Variants in TULP4 observed in about 807,000 individuals in gnomAD.
TULP4 encodes tubby-related protein 4.
TULP4 carries 16 observed loss-of-function variants against 129.0 expected under a neutral mutation model. The ratio of observed to expected loss-of-function variants is 0.12; its 90% CI spans 0.08 to 0.19. The LOEUF (loss-of-function observed/expected upper bound fraction) is 0.19. TULP4 is among the 10% of genes least tolerant of loss of function. The probability of loss-of-function intolerance (pLI) is 1.00; values close to 1 mark genes in which losing one functional copy is unlikely to be tolerated. For missense variants in TULP4, 1,842 were observed against 2,059.1 expected, an observed-to-expected ratio of 0.89 and a Z score of 2.04; for synonymous variants, 998 against 854.0, an observed-to-expected ratio of 1.17 and a Z score of -2.94.
chr6:158,454,178 G>A (rs1462778358), intron 5 of TULP4, among the ~76,000 whole-genome samples: 1 of 152,154 alleles, frequency 6.6e-6, no homozygotes, highest in African/African-American at 2.4e-5. Flanking sequence ...TGACGTTGAA[G>A]TCCTTTTTAT....
At chr6:158,466,912 C>T (rs2115204198) in intron 6 of TULP4, among the ~76,000 whole-genome samples, 1 of 152,284 alleles carries the variant, frequency 6.6e-6, no homozygotes, top group Admixed American at 6.5e-5. Context: ...ACTCTGTATT[C>T]CTCAGACAAT....
At chr6:158,446,576 G>A (rs907610792) in intron 3 of TULP4, among the ~76,000 whole-genome samples, 3 of 152,160 alleles carry the variant, frequency 2.0e-5, no homozygotes, top group Non-Finnish European at 4.4e-5. Flanking sequence ...ACTCCTGTGT[G>A]TTGTACATCA....
At chr6:158,412,943 G>A (rs955174730) in intron 1 of TULP4, 122 bp from the exon 2 acceptor site, 13 of 1,355,876 alleles carry the variant, frequency 9.6e-6, no homozygotes, top group Middle Eastern at 1.9e-4. Context: ...CCCTGCATTC[G>A]CCCCCAGTCT....
upstream of TULP4, chr6:158,312,371 G>GA (rs1023147543): frequency 7.5e-4 from 272 of 361,894 alleles, no homozygotes; most frequent in Middle Eastern, 1.4e-3. Flanking sequence ...GCAAAAAGAA[G>GA]AAAAAAAAAT....
Position 158,510,588 on chromosome 6 carries a change from A to G in TULP4, c.*3894A>G, listed in dbSNP as rs760020706. On this transcript the variant is annotated 3_prime_UTR_variant, in exon 14 of 14. Transcript: ENST00000367097. Reference sequence around the variant, plus strand: ...ATTTCTTTTCCTGTGTTAATGAGCTATGTACTGAATATAAACCAGTGCATT... The same window carrying G: ...ATTTCTTTTCCTGTGTTAATGAGCTGTGTACTGAATATAAACCAGTGCATT... 5.9e-5 allele frequency: 9 copies of G among 152,228 alleles called. No individual in the cohort carries two copies. Among genetic ancestry groups the G allele is most frequent in the Non-Finnish European group, 1.2e-4 (8 of 68,040 alleles). The allele number at this position is 152,228 out of a possible 1,614,324, so 9.4% of individuals were successfully genotyped here. A position where few individuals can be genotyped will look rare whatever the true frequency, so the allele number is the denominator to read the frequency against.
intron 4 of TULP4, among the ~76,000 whole-genome samples, chr6:158,450,811 C>T (rs542104174): frequency 2.3e-4 from 35 of 151,832 alleles, no homozygotes; most frequent in African/African-American, 7.0e-4. Flanking sequence ...AATCCTAGCA[C>T]TTTGGGAGGC....
In TULP4 at chr6:158,503,216, TA is replaced by T; in HGVS notation, c.3554del (p.Tyr1185LeufsTer123). ...CCCCACTGCCACTTTCCAAACAGGC[TA>T]TGGGATGGGAGTGCCATATCCAGGA... ...ASPTATFQTGYGMGVPYPGSY... is the reference protein window; with the variant it reads ...ASPTATFQTGXGMGVPYPGSY... On this transcript the variant is annotated frameshift_variant, in exon 13 of 14. Transcript: ENST00000367097. LOFTEE classifies it high-confidence loss of function. This position sits in a 1 kb window ranked among gnomAD's most constrained non-coding sequence, Gnocchi z 4.3. 6.2e-7 allele frequency: 1 copy of T among 1,614,066 alleles called. No homozygotes were observed. The highest frequency in any genetic ancestry group is 2.2e-5 in the East Asian group (1 of 44,870).
In TULP4 at chr6:158,314,020, T is replaced by C. The variant is rs1779428377; in HGVS notation, c.4T>C (p.Tyr2His). 1 of 1,613,864 alleles carries C rather than the reference T, an allele frequency of 6.2e-7. No homozygotes were observed. Among genetic ancestry groups the C allele is most frequent in the Non-Finnish European group, 8.5e-7 (1 of 1,179,812 alleles). The change falls in exon 1 of 14, where the codon TAT becomes CAT. Residue 2 changes from tyrosine to histidine, a missense_variant. Transcript: ENST00000367097. ...AAAACAGTTCATTGAAGAAAGTATG[T>C]ATGCAGCAGTGGAACATGGGCCTGT... is the stretch of plus-strand genomic sequence containing the variant. Reference protein sequence around the residue: MYAAVEHGPVLC... With the variant: MHAAVEHGPVLC...
intron 1 of TULP4, among the ~76,000 whole-genome samples, chr6:158,358,483 T>C (rs993691770): frequency 2.6e-5 from 4 of 152,232 alleles, no homozygotes; most frequent in African/African-American, 9.6e-5. Context: ...TTATGCCTTG[T>C]TTGGGGCAGT....
chr6:158,388,592 G>A (rs1391993826), intron 1 of TULP4, among the ~76,000 whole-genome samples: 4 of 150,208 alleles, frequency 2.7e-5, no homozygotes, highest in Non-Finnish European at 4.4e-5. Flanking sequence ...GCCTCCCAAA[G>A]TGCTGGGATT....
In TULP4 at chr6:158,420,519, T is replaced by G. The variant is rs529087229; in HGVS notation, c.381+7326T>G. On this transcript the variant is annotated intron_variant, in intron 2 of 13. Coordinates refer to ENST00000367097, the MANE Select transcript of TULP4 (RefSeq NM_020245.5). ...GTTTTCTGACCGAGTTTCATTCTTG[T>G]TGCCTAGGCTGGAGTGCAATGGCGC... Among the ~76,000 whole-genome samples, 3 of 152,372 alleles carry G rather than the reference T, an allele frequency of 2.0e-5. No individual in the cohort carries two copies. In the East Asian group the frequency reaches 5.8e-4, roughly 29 times the overall value.
intron 1 of TULP4, among the ~76,000 whole-genome samples, chr6:158,407,035 A>G (rs1317076617): frequency 1.3e-5 from 2 of 152,228 alleles, no homozygotes; most frequent in Non-Finnish European, 2.9e-5. Flanking sequence ...ATTCTTGCCA[A>G]CCAACTGAGA....
chr6:158,257,712 G>C (rs148503885), intron 1 of TULP4, among the ~76,000 whole-genome samples: 36 of 152,342 alleles, frequency 2.4e-4, no homozygotes, highest in African/African-American at 8.7e-4. Flanking sequence ...TGCCCTTGCA[G>C]CTGGGGAAGC....
intron 3 of TULP4, among the ~76,000 whole-genome samples, chr6:158,432,059 G>A (rs1018958686): frequency 7.1e-5 from 10 of 141,400 alleles, no homozygotes; most frequent in South Asian, 2.2e-4. Flanking sequence ...AGGAGTTCTC[G>A]AGACCAGCCT....
At chr6:158,423,120 AGAGG>A (rs763600034) in intron 2 of TULP4, among the ~76,000 whole-genome samples, 12,801 of 59,180 alleles carry the variant, frequency 0.22, 1,562 homozygotes, top group Non-Finnish European at 0.29. Context: ...TCCACAAAAA[AGAGG>A]GGGGGGGGGG....
intron 6 of TULP4, among the ~76,000 whole-genome samples, chr6:158,468,550 TA>T (rs1419784260): frequency 6.6e-6 from 1 of 152,300 alleles, no homozygotes; most frequent in East Asian, 1.9e-4. Context: ...TAATTTCTTT[TA>T]AAAAAATTAA....
chr6:158,376,612 G>C (rs552334359), intron 1 of TULP4, among the ~76,000 whole-genome samples: 1 of 152,360 alleles, frequency 6.6e-6, no homozygotes, highest in South Asian at 2.1e-4. Flanking sequence ...AATTGAAGAA[G>C]AGCGTGTGGA....
chr6:158,280,123 A>C (rs1778723492), upstream of TULP4, among the ~76,000 whole-genome samples: 1 of 152,138 alleles, frequency 6.6e-6, no homozygotes, highest in African/African-American at 2.4e-5. Flanking sequence ...TATCAACGTG[A>C]ATGTTGAGAG....
intron 7 of TULP4, 27 bp from the exon 8 acceptor site, chr6:158,481,028 T>C: frequency 1.3e-6 from 2 of 1,531,860 alleles, no homozygotes; most frequent in Non-Finnish European, 1.8e-6. Context: ...GAGTCCCAGC[T>C]CTTCATTTTC....
Sources: gnomAD v4.1 joint callset for allele counts (sites outside exome capture counted in the v4.1 genomes callset) on GRCh38, gnomAD v4.1.1 for gene constraint, Gnocchi (gnomAD v3.1) non-coding constraint, MANE v1.5 for transcripts, NCBI Gene and HGNC (gene_info 2026-07-23, HGNC 2026-07-21) for gene names.